Variants in DNAH2 observed in about 807,000 individuals in gnomAD.
DNAH2 encodes dynein axonemal heavy chain 2.
DNAH2 carries 323 observed loss-of-function variants against 523.5 expected under a neutral mutation model. The ratio of observed to expected loss-of-function variants is 0.62; its 90% CI spans 0.56 to 0.68. DNAH2 has a LOEUF of 0.68. DNAH2 is among the 30% of genes least tolerant of loss of function. The pLI, the probability that DNAH2 is intolerant of heterozygous loss-of-function variation, is 0.00. For synonymous variants in DNAH2, 2,093 were observed against 2,177.4 expected, an observed-to-expected ratio of 0.96 and a Z score of 1.08; for missense variants, 4,907 against 5,701.5, an observed-to-expected ratio of 0.86 and a Z score of 4.49.
intron 4 of DNAH2, among the ~76,000 whole-genome samples, chr17:7,731,625 G>A (rs1267979813): frequency 6.6e-6 from 1 of 152,054 alleles, no homozygotes; most frequent in Non-Finnish European, 1.5e-5. Context: ...TTAGGTGGTG[G>A]AATTTTAGAT....
At position 7,831,027 on chromosome 17, in the gene DNAH2, G is replaced by A; in HGVS notation, c.12231-59G>A. Reference sequence around the variant, plus strand: ...GGACATGCATAGGTTTGGGGTCTTGGCCTGGCATTGAGGGCTGAGTCCCCA... The same window carrying A: ...GGACATGCATAGGTTTGGGGTCTTGACCTGGCATTGAGGGCTGAGTCCCCA... On this transcript the variant is annotated intron_variant, in intron 79 of 85. Transcript: ENST00000572933. This position sits in a 1 kb window ranked among gnomAD's most constrained non-coding sequence, Gnocchi z 4.2. 1 of 1,566,402 alleles carries A rather than the reference G, an allele frequency of 6.4e-7. No individual in the cohort carries two copies. The highest frequency in any genetic ancestry group is 8.7e-7 in the Non-Finnish European group (1 of 1,148,204).
Position 7,754,432 on chromosome 17 carries a change from T to G in DNAH2, c.1905-2659T>G. The G allele has an allele frequency of 1.5e-6, 1 of 650,138 alleles. No individual in the cohort carries two copies. The highest frequency in any genetic ancestry group is 2.7e-6 in the Non-Finnish European group (1 of 366,588). The allele number at this position is 650,138 out of a possible 1,614,324, so 40.3% of individuals were successfully genotyped here. On this transcript the variant is annotated intron_variant, in intron 12 of 85. Coordinates refer to ENST00000572933, the MANE Select transcript of DNAH2 (RefSeq NM_020877.5). This position sits in a 1 kb window ranked among gnomAD's most constrained non-coding sequence, Gnocchi z 4.6. ...CACCATACACCACCAGTCCCGAAAATGGCACAGAAATGGTATCAAGAAACC... is the reference window on the plus strand; with the variant it reads ...CACCATACACCACCAGTCCCGAAAAGGGCACAGAAATGGTATCAAGAAACC...
At position 7,798,259 on chromosome 17, in the gene DNAH2, T is replaced by C; in HGVS notation, c.8333T>C (p.Ile2778Thr). The stretch of plus-strand genomic sequence containing the variant: ...AGTCTGGCCCGCCTGGCTTCATCCA[T>C]CTGCGACTACACCACCTTCCAGATC... Reference protein sequence around the residue: ...RQSLARLASSICDYTTFQIEV... With the variant: ...RQSLARLASSTCDYTTFQIEV... The change falls in exon 54 of 86, where the codon ATC (isoleucine) becomes ACC (threonine). Residue 2778 changes from isoleucine (I) to threonine (T), a missense_variant. Physicochemically the swap from Ile to Thr is moderately conservative, Grantham distance 89 (BLOSUM62 -1). This residue lies in a region of DNAH2 where 1,851 missense variants were observed against 2,139.4 expected (regional missense o/e 0.87). Transcript: ENST00000572933. This position sits in a 1 kb window ranked among gnomAD's most constrained non-coding sequence, Gnocchi z 5.5. 1 of 1,613,896 alleles carries C rather than the reference T, an allele frequency of 6.2e-7. No individual in the cohort carries two copies. The highest frequency in any genetic ancestry group is 8.5e-7 in the Non-Finnish European group (1 of 1,179,846).
chr17:7,764,998 A>G (rs184293577), intron 20 of DNAH2, among the ~76,000 whole-genome samples: 2 of 151,232 alleles, frequency 1.3e-5, no homozygotes, highest in East Asian at 3.9e-4. Flanking sequence ...ACCTCAAGTG[A>G]TCCTCCCACC....
In DNAH2 at chr17:7,804,320, A is replaced by G. The variant is rs760026084; in HGVS notation, c.9037A>G (p.Lys3013Glu). The part of the protein sequence containing the change: ...QANKLRTGLF[K>E]IDETREKVQV... The stretch of plus-strand genomic sequence containing the variant: ...CAATAAACTGCGGACAGGCTTGTTC[A>G]AGATCGACGAAACTAGGGAAAAGGT... The change falls in exon 59 of 86, where the codon AAG (lysine) becomes GAG (glutamate). Residue 3013 changes from lysine (K) to glutamate (E), a missense_variant. This residue lies in a region of DNAH2 where 1,851 missense variants were observed against 2,139.4 expected (regional missense o/e 0.87). Coordinates refer to ENST00000572933, the MANE Select transcript of DNAH2 (RefSeq NM_020877.5). 1 of 1,614,174 alleles carries G rather than the reference A, an allele frequency of 6.2e-7. No individual in the cohort carries two copies. Among genetic ancestry groups the G allele is most frequent in the Non-Finnish European group, 8.5e-7 (1 of 1,180,034 alleles).
intron 23 of DNAH2, 44 bp downstream of exon 23, chr17:7,768,105 A>G (rs770467955): frequency 6.2e-7 from 1 of 1,614,118 alleles, no homozygotes; most frequent in South Asian, 1.1e-5. Flanking sequence ...CTGGTGGAGG[A>G]TCTGGGTCTG....
chr17:7,773,682 T>A (rs1277647746), intron 28 of DNAH2, among the ~76,000 whole-genome samples: 2 of 152,204 alleles, frequency 1.3e-5, no homozygotes, highest in Admixed American at 6.5e-5. Flanking sequence ...ATCATGAATT[T>A]CTTTTTCCTT....
intron 56 of DNAH2, among the ~76,000 whole-genome samples, chr17:7,801,308 A>G (rs1026134876): frequency 1.3e-5 from 2 of 152,182 alleles, no homozygotes; most frequent in African/African-American, 4.8e-5. Flanking sequence ...CCCATTTTAG[A>G]GACGAGGAAA....
At chr17:7,764,314 A>G in intron 20 of DNAH2, 41 bp downstream of exon 20, 5 of 1,562,578 alleles carry the variant, frequency 3.2e-6, no homozygotes, top group Non-Finnish European at 4.3e-6. Flanking sequence ...GACCCGTATC[A>G]GCAGCAGATT....
chr17:7,732,608 T>C (rs1334949107), intron 4 of DNAH2, among the ~76,000 whole-genome samples: 2 of 152,162 alleles, frequency 1.3e-5, no homozygotes, highest in African/African-American at 4.8e-5. Flanking sequence ...CTTTTGTACG[T>C]AAACCACAAA....
Position 7,786,505 on chromosome 17 carries a change from G to A in DNAH2, c.6349-65G>A. On this transcript the variant is annotated intron_variant, in intron 40 of 85. Transcript: ENST00000572933. This position sits in a 1 kb window ranked among gnomAD's most constrained non-coding sequence, Gnocchi z 7.5. ...GGGACAAATGCACGTACCTAAGAGG[G>A]GTCTGGAAATAAAGAGGGGTTTTTG... 6.6e-7 allele frequency: 1 copy of A among 1,514,024 alleles called. No homozygotes were observed. The highest frequency in any genetic ancestry group is 2.3e-5 in the East Asian group (1 of 44,248). 93.8% of individuals were successfully genotyped at this position (1,514,024 alleles called of 1,614,324 possible). A position where few individuals can be genotyped will look rare whatever the true frequency, so the allele number is the denominator to read the frequency against.
intron 77 of DNAH2, among the ~76,000 whole-genome samples, chr17:7,826,571 A>C (rs8071869): frequency 1.4e-5 from 2 of 141,920 alleles, no homozygotes; most frequent in Non-Finnish European, 1.5e-5. Context: ...ATGGAGCCTC[A>C]CTCTGTCGCC....
In DNAH2 at chr17:7,770,885, G is replaced by A. The variant is rs1375311450; in HGVS notation, c.4314G>A (p.Glu1438=). The A allele has an allele frequency of 2.5e-6, 4 of 1,614,134 alleles. No individual in the cohort carries two copies. The Admixed American group carries it at 6.7e-5, about 27-fold the overall frequency. Residue 1438 remains glutamate, a synonymous_variant, in exon 27 of 86, where the codon GAG becomes GAA. Transcript: ENST00000572933. ...AACGCTGCCTCTCCCTCATTTTGGA[G>A]GTTATTGAGATGATTCTCACAGTGC... ...HWERCLSLIL[E]VIEMILTVQR... is the part of the protein sequence containing the mutation.
chr17:7,766,822 A>G (rs532940474), intron 22 of DNAH2, among the ~76,000 whole-genome samples: 1 of 151,272 alleles, frequency 6.6e-6, no homozygotes, highest in South Asian at 2.1e-4. Context: ...TAATTTTTAT[A>G]TTTTTAGTAT....
intron 12 of DNAH2, among the ~76,000 whole-genome samples, chr17:7,753,685 C>A (rs993255881): frequency 6.6e-6 from 1 of 152,132 alleles, no homozygotes; most frequent in Non-Finnish European, 1.5e-5. Flanking sequence ...CTGTGGCTCA[C>A]GCCTGTAACC....
At chr17:7,782,269 C>G (rs62059686) in intron 39 of DNAH2, among the ~76,000 whole-genome samples, 43,179 of 152,004 alleles carry the variant, frequency 0.28, 6,670 homozygotes, top group Non-Finnish European at 0.35. Context: ...GATTTAGAAG[C>G]GTATATACAG....
In DNAH2 at chr17:7,719,845, T is replaced by C. The variant is rs760424985; in HGVS notation, c.111T>C (p.Asn37=). The change falls in exon 2 of 86, where the codon AAT becomes AAC. Residue 37 remains asparagine, a synonymous_variant. Coordinates refer to ENST00000572933, the MANE Select transcript of DNAH2 (RefSeq NM_020877.5). ...CTGTGGCCACACAGGAGCAGGGGAA[T>C]GCCCCGGCTGTCAGTGAGCCAGAGC... ...RAAVATQEQG[N]APAVSEPELQ... is the part of the protein sequence containing the mutation. 2 of 1,603,870 alleles carry C rather than the reference T, an allele frequency of 1.2e-6. No homozygotes were observed. Among genetic ancestry groups the C allele is most frequent in the African/African-American group, 1.3e-5 (1 of 74,718 alleles).
chr17:7,723,557 C>T, intron 2 of DNAH2, 71 bp from the exon 3 acceptor site: 1 of 1,336,954 alleles, frequency 7.5e-7, no homozygotes, highest in Non-Finnish European at 1.1e-6. Flanking sequence ...CAGGTGTGAG[C>T]CACCGCGCCC....
intron 18 of DNAH2, among the ~76,000 whole-genome samples, 185 bp from the exon 19 acceptor site, chr17:7,763,646 A>ATGTC (rs1023135271): frequency 5.3e-5 from 8 of 152,356 alleles, no homozygotes; most frequent in Admixed American, 1.3e-4. Context: ...GACTGGGAAA[A>ATGTC]TGACAGTCAG....
Sources: allele counts gnomAD v4.1 joint callset (sites outside exome capture counted in the v4.1 genomes callset), GRCh38; gene constraint gnomAD v4.1.1; regional missense constraint gnomAD v4.1.1; non-coding constraint Gnocchi (gnomAD v3.1); transcripts MANE v1.5; gene names NCBI Gene and HGNC (gene_info 2026-07-23, HGNC 2026-07-21).